Variants in FOXP1 observed in about 807,000 individuals in gnomAD.
FOXP1 encodes the protein forkhead box protein P1.
A neutral mutation model predicts 98.2 loss-of-function variants in FOXP1; 15 were observed. That is an observed-to-expected ratio of 0.15 (90% CI 0.10 to 0.24). The LOEUF (loss-of-function observed/expected upper bound fraction) is 0.24. Ranked by LOEUF, FOXP1 falls within the 10% of genes least tolerant of loss-of-function variation. FOXP1 has a pLI of 1.00. For synonymous variants in FOXP1, 371 were observed against 314.5 expected (o/e 1.18, Z -1.90); for missense variants, 633 against 848.5 (o/e 0.75, Z 3.15).
chr3:71,035,999 C>T (rs1203973480), intron 11 of FOXP1, among the ~76,000 whole-genome samples: 2 of 152,084 alleles, frequency 1.3e-5, no homozygotes, highest in Non-Finnish European at 2.9e-5. Flanking sequence ...AAAAATGCAA[C>T]ACTAGACATG....
At chr3:71,326,395 A>T (rs1038082541) in intron 4 of FOXP1, among the ~76,000 whole-genome samples, 4 of 152,230 alleles carry the variant, frequency 2.6e-5, no homozygotes, top group African/African-American at 9.6e-5. Context: ...TCCAATAATC[A>T]TCGTAATAAA....
chr3:71,090,725 T>C (rs2055716671), intron 7 of FOXP1, among the ~76,000 whole-genome samples: 2 of 152,168 alleles, frequency 1.3e-5, no homozygotes, highest in South Asian at 4.1e-4. Context: ...TTCTCAGCAG[T>C]TGCACTGCCA....
rs10546380 is a variant in FOXP1 at position 71,009,155 on chromosome 3, CGGGGG to C, written c.974+6389_974+6393del. ...TGGTTGGTCAATGAAATCATGGGGGCGGGGGGGGGGGGGCGCATGACACACGTGGA... is the reference window on the plus strand; with the variant it reads ...TGGTTGGTCAATGAAATCATGGGGGCGGGGGGGGCGCATGACACACGTGGA... On this transcript the variant is annotated intron_variant, in intron 12 of 20. Transcript: ENST00000649528. Among the ~76,000 whole-genome samples the C allele has an allele frequency of 5.8e-4, 12 of 20,802 alleles. 4 individuals are homozygous for C. The highest frequency in any genetic ancestry group is 4.1e-3 in the East Asian group (2 of 484). 13.6% of individuals were successfully genotyped at this position (20,802 alleles called of 152,430 possible). A position where few individuals can be genotyped will look rare whatever the true frequency, so the allele number is the denominator to read the frequency against.
intron 7 of FOXP1, among the ~76,000 whole-genome samples, chr3:71,091,536 A>C (rs932285992): frequency 1.3e-5 from 2 of 152,048 alleles, no homozygotes; most frequent in Admixed American, 1.3e-4. Context: ...ACAAAAAAAA[A>C]ACTGAGCTTT....
At chr3:71,436,856 C>G (rs1264168075) in intron 3 of FOXP1, among the ~76,000 whole-genome samples, 2 of 152,196 alleles carry the variant, frequency 1.3e-5, no homozygotes, top group Non-Finnish European at 2.9e-5. Flanking sequence ...ACTTTGACAT[C>G]TATCTAAAAC....
rs527352333 is a variant in FOXP1 at position 71,560,516 on chromosome 3, A to G, written c.-298+21033T>C. Among the ~76,000 whole-genome samples, 164 of 152,354 alleles carry G rather than the reference A, an allele frequency of 1.1e-3. 1 individual carries two copies. The Middle Eastern group carries it at 0.027, about 25-fold the overall frequency. ...TTGGCAGTTCCTCTAAAGGTTAAAC[A>G]TAGAAGGTAGCATATGGCCCAGTCA... On this transcript the variant is annotated intron_variant, in intron 2 of 20. Coordinates refer to ENST00000649528, the MANE Select transcript of FOXP1 (RefSeq NM_001349338.3).
chr3:71,025,183 A>C (rs2045948013), intron 11 of FOXP1, among the ~76,000 whole-genome samples: 1 of 152,178 alleles, frequency 6.6e-6, no homozygotes, highest in African/African-American at 2.4e-5. Flanking sequence ...CAGGAGAATG[A>C]CTCAAAGAAT....
intron 12 of FOXP1, among the ~76,000 whole-genome samples, chr3:71,013,797 C>A (rs1434612486): frequency 1.3e-5 from 2 of 152,196 alleles, no homozygotes; most frequent in African/African-American, 4.8e-5. Context: ...GGTACTACAA[C>A]AGGGATATAG....
intron 7 of FOXP1, among the ~76,000 whole-genome samples, chr3:71,088,962 G>A (rs1267286171): frequency 6.6e-6 from 1 of 152,194 alleles, no homozygotes; most frequent in Non-Finnish European, 1.5e-5. Flanking sequence ...GAGTACACCA[G>A]TGCTCAGGTC....
intron 7 of FOXP1, among the ~76,000 whole-genome samples, chr3:71,079,827 G>A (rs1181053848): frequency 6.6e-6 from 1 of 152,176 alleles, no homozygotes. Flanking sequence ...ATAGATGAGC[G>A]AGCTTACTTA....
At chr3:71,499,657 G>A (rs928279411) in intron 2 of FOXP1, among the ~76,000 whole-genome samples, 3 of 152,212 alleles carry the variant, frequency 2.0e-5, no homozygotes, top group African/African-American at 7.2e-5. Context: ...TACACAACCT[G>A]ATAAGAAGTG....
chr3:71,188,088 T>C (rs2062751108), intron 6 of FOXP1, among the ~76,000 whole-genome samples: 1 of 152,238 alleles, frequency 6.6e-6, no homozygotes, highest in Non-Finnish European at 1.5e-5. Context: ...TTGTTAATTT[T>C]TTCCAAAAAT....
intron 7 of FOXP1, among the ~76,000 whole-genome samples, chr3:71,086,865 C>G (rs750485885): frequency 6.6e-6 from 1 of 152,190 alleles, no homozygotes; most frequent in Non-Finnish European, 1.5e-5. Flanking sequence ...CCTCTTCGTC[C>G]TGCACTGGGG....
chr3:70,987,657 G>A (rs1050772549), intron 14 of FOXP1, among the ~76,000 whole-genome samples: 2 of 152,156 alleles, frequency 1.3e-5, no homozygotes, highest in African/African-American at 2.4e-5. Context: ...TCTTCTCTGC[G>A]TTCCTACCAT....
chr3:71,350,501 C>T (rs967725724), intron 4 of FOXP1, among the ~76,000 whole-genome samples: 6 of 152,028 alleles, frequency 3.9e-5, no homozygotes, highest in Admixed American at 6.6e-5. Context: ...TGCCTTAGGA[C>T]GACAAACTGT....
At chr3:71,502,043 A>G (rs1043631841) in intron 2 of FOXP1, among the ~76,000 whole-genome samples, 1 of 152,186 alleles carries the variant, frequency 6.6e-6, no homozygotes, top group African/African-American at 2.4e-5. Flanking sequence ...TCTTTTGGGG[A>G]GCCAGGAAGA....
chr3:71,558,852 G>C (rs1354525898), intron 2 of FOXP1, among the ~76,000 whole-genome samples: 2 of 146,490 alleles, frequency 1.4e-5, no homozygotes, highest in African/African-American at 5.1e-5. Context: ...GCCCAGGCTG[G>C]AGTGCACTGG....
chr3:71,221,618 C>T (rs897793354), intron 5 of FOXP1, among the ~76,000 whole-genome samples: 1 of 152,156 alleles, frequency 6.6e-6, no homozygotes, highest in Non-Finnish European at 1.5e-5. Flanking sequence ...TTCTCTCTAC[C>T]GCATCTCTAC....
intron 6 of FOXP1, among the ~76,000 whole-genome samples, chr3:71,135,948 A>C (rs992547374): frequency 6.6e-6 from 1 of 152,216 alleles, no homozygotes; most frequent in Non-Finnish European, 1.5e-5. Context: ...CTTTGGAGAA[A>C]GAAAATCTTC....
Sources: gnomAD v4.1 joint callset for allele counts (sites outside exome capture counted in the v4.1 genomes callset) on GRCh38, gnomAD v4.1.1 for gene constraint, MANE v1.5 for transcripts, NCBI Gene and HGNC (gene_info 2026-07-23, HGNC 2026-07-21) for gene names.